The following NLGN4X variants were observed in gnomAD, a reference collection of about 807,000 sequenced individuals.
The protein encoded by NLGN4X is neuroligin-4, X-linked.
In NLGN4X, 3 loss-of-function variants were observed where a neutral mutation model predicts 40.3. That is an observed-to-expected ratio of 0.07 (90% CI 0.03 to 0.19). The LOEUF is 0.19. Among genes scored for constraint, NLGN4X ranks in the 10% least tolerant of loss-of-function variants. The pLI, the probability that NLGN4X is intolerant of heterozygous loss-of-function variation, is 1.00. For missense variants in NLGN4X, 382 were observed against 708.3 expected (o/e 0.54, Z 5.23); for synonymous variants, 270 against 306.8 (o/e 0.88, Z 1.25).
intron 2 of NLGN4X, among the ~76,000 whole-genome samples, chrX:6,034,787 C>A (rs970490765): frequency 2.7e-5 from 3 of 109,786 alleles, no homozygotes; most frequent in African/African-American, 1.0e-4. Context: ...CGGCTCACGA[C>A]AACCTCCACC....
chrX:6,037,228 C>G (rs1035766796), intron 2 of NLGN4X, among the ~76,000 whole-genome samples: 6 of 109,336 alleles, frequency 5.5e-5, no homozygotes, highest in African/African-American at 2.0e-4. Context: ...ATCACTTGAG[C>G]CTGGGAGGTG....
At position 5,903,905 on chromosome X, in the gene NLGN4X, A is replaced by G. The variant is rs186479852; in HGVS notation, c.812-39T>C. 1.8e-4 allele frequency: 211 copies of G among 1,200,553 alleles called. No individual in the cohort carries two copies. In the African/African-American group the frequency reaches 3.3e-3, roughly 19 times the overall value. On this transcript the variant is annotated intron_variant, in intron 4 of 5. Transcript: ENST00000381095. ...ATTGTGGACATGCAAATGAAAACCC[A>G]CAGGACAGAAATGCAGCTTTTACTG...
intron 2 of NLGN4X, among the ~76,000 whole-genome samples, chrX:6,049,131 AGAT>A (rs1054851618): frequency 2.0e-5 from 2 of 97,659 alleles, no homozygotes; most frequent in Admixed American, 1.1e-4. Flanking sequence ...TCAAAAATTC[AGAT>A]GATAACAGGA....
chrX:6,094,640 T>G (rs896991442), intron 2 of NLGN4X, among the ~76,000 whole-genome samples: 1 of 111,153 alleles, frequency 9.0e-6, no homozygotes. Context: ...ATTTCTGTTA[T>G]GGGGTGGGGG....
chrX:6,053,006 A>G (rs1343898726), intron 2 of NLGN4X, among the ~76,000 whole-genome samples: 2 of 111,755 alleles, frequency 1.8e-5, no homozygotes, highest in African/African-American at 6.5e-5. Context: ...TCTCTACATC[A>G]GCTCCAAGTG....
At chrX:5,943,579 T>C (rs1450741627) in intron 3 of NLGN4X, among the ~76,000 whole-genome samples, 1 of 112,306 alleles carries the variant, frequency 8.9e-6, no homozygotes, top group African/African-American at 3.2e-5. Flanking sequence ...AGGATGGGAT[T>C]TGGAGAAATG....
At chrX:6,034,945 G>A (rs578151867) in intron 2 of NLGN4X, among the ~76,000 whole-genome samples, 128 of 111,182 alleles carry the variant, frequency 1.2e-3, no homozygotes, top group Admixed American at 0.011. Context: ...TGCCTCAAGC[G>A]ATCCACTCAT....
chrX:5,906,298 A>C lies in NLGN4X; in HGVS notation c.812-2432T>G, dbSNP rs1048388195. Among the ~76,000 whole-genome samples, 3 of 111,510 alleles carry C rather than the reference A, an allele frequency of 2.7e-5. No homozygotes were observed. The Admixed American group carries it at 2.9e-4, about 11-fold the overall frequency. On this transcript the variant is annotated intron_variant, in intron 4 of 5. Coordinates refer to ENST00000381095, the MANE Select transcript of NLGN4X (RefSeq NM_181332.3). The stretch of plus-strand genomic sequence containing the variant: ...AATATGAGCCTTTCCTCTCATTAGC[A>C]CTAGTAAGAAATCAAAGGCCATTTG...
At chrX:6,049,738 G>A in intron 2 of NLGN4X, among the ~76,000 whole-genome samples, 1 of 71,267 alleles carries the variant, frequency 1.4e-5, no homozygotes, top group African/African-American at 4.6e-5. Context: ...AATGGGGGGG[G>A]GGGGCGGTCA....
chrX:6,054,436 G>T (rs773269368), intron 2 of NLGN4X, among the ~76,000 whole-genome samples: 2 of 110,228 alleles, frequency 1.8e-5, no homozygotes, highest in Non-Finnish European at 3.8e-5. Flanking sequence ...GCAGCAGAGC[G>T]AGACCCTGTT....
At chrX:6,068,253 G>C (rs1371426579) in intron 2 of NLGN4X, among the ~76,000 whole-genome samples, 2 of 111,662 alleles carry the variant, frequency 1.8e-5, no homozygotes, top group Admixed American at 9.5e-5. Flanking sequence ...TCTCCTGTCA[G>C]AACACCACCC....
At chrX:5,934,836 T>C (rs1047959259) in intron 3 of NLGN4X, among the ~76,000 whole-genome samples, 1 of 112,492 alleles carries the variant, frequency 8.9e-6, no homozygotes, top group African/African-American at 3.2e-5. Flanking sequence ...TCTTCATATA[T>C]ACAAGAAGTC....
Position 6,043,620 on chromosome X carries a change from G to A in NLGN4X, c.473-14188C>T, listed in dbSNP as rs770025544. 2.7e-5 allele frequency among the ~76,000 whole-genome samples: 3 copies of A among 111,685 alleles called. No homozygotes were observed. The South Asian group carries it at 1.1e-3, about 42-fold the overall frequency. ...CCTTTTGCTGTCTATGTAGCAAAAG[G>A]AGACATCTAAAAGCAGCCCAACTAT... On this transcript the variant is annotated intron_variant, in intron 2 of 5. Coordinates refer to ENST00000381095, the MANE Select transcript of NLGN4X (RefSeq NM_181332.3).
chrX:6,198,767 GA>G (rs771067145), intron 1 of NLGN4X, among the ~76,000 whole-genome samples: 1 of 111,530 alleles, frequency 9.0e-6, no homozygotes, highest in African/African-American at 3.3e-5. Context: ...GCAAGAGGTG[GA>G]AAATGTAGCC....
At chrX:6,135,097 A>G (rs1029407978) in intron 2 of NLGN4X, among the ~76,000 whole-genome samples, 18 of 112,008 alleles carry the variant, frequency 1.6e-4, no homozygotes, top group Non-Finnish European at 2.4e-4. Context: ...CCACTCCTAA[A>G]CAGCCTCATT....
chrX:5,941,890 G>GA (rs766507203), intron 3 of NLGN4X, among the ~76,000 whole-genome samples: 1 of 112,097 alleles, frequency 8.9e-6, no homozygotes, highest in African/African-American at 3.2e-5. Context: ...AGGATGTTAA[G>GA]AAAAAGGAAG....
chrX:6,193,025 A>G (rs909074762), intron 1 of NLGN4X, among the ~76,000 whole-genome samples: 1 of 111,821 alleles, frequency 8.9e-6, no homozygotes, highest in Non-Finnish European at 1.9e-5. Context: ...CCCGAGTCCA[A>G]CGGTGCAGTC....
intron 1 of NLGN4X, among the ~76,000 whole-genome samples, chrX:6,196,551 CAAAAAAAA>C (rs374097705): frequency 3.9e-4 from 9 of 23,314 alleles, no homozygotes; most frequent in East Asian, 4.8e-3. Flanking sequence ...GACTCTGTCT[CAAAAAAAA>C]AAAAAAAAAA....
At chrX:5,901,705 G>A (rs2031876382) in intron 5 of NLGN4X, among the ~76,000 whole-genome samples, 1 of 109,140 alleles carries the variant, frequency 9.2e-6, no homozygotes, top group Non-Finnish European at 1.9e-5. Flanking sequence ...ATAGCAATAT[G>A]ATACAAATAT....
Sources: gnomAD v4.1 joint callset for allele counts (sites outside exome capture counted in the v4.1 genomes callset) on GRCh38, gnomAD v4.1.1 for gene constraint, MANE v1.5 for transcripts, NCBI Gene and HGNC (gene_info 2026-07-23, HGNC 2026-07-21) for gene names.